PPP4R4: variants seen among roughly 807,000 people sequenced by gnomAD.
PPP4R4 encodes the protein serine/threonine-protein phosphatase 4 regulatory subunit 4.
In PPP4R4, 70 loss-of-function variants were observed where a neutral mutation model predicts 121.8. That is an observed-to-expected ratio of 0.57 (90% CI 0.47 to 0.70). The LOEUF is 0.70. Among genes scored for constraint, PPP4R4 ranks in the 30% least tolerant of loss-of-function variants. The pLI is 0.00. For missense variants in PPP4R4, 875 were observed against 1,033.6 expected (o/e 0.85, Z 2.10); for synonymous variants, 348 against 355.7 (o/e 0.98, Z 0.24).
chr14:94,196,190 T>G (rs915597849), intron 2 of PPP4R4, among the ~76,000 whole-genome samples: 3 of 151,382 alleles, frequency 2.0e-5, no homozygotes, highest in African/African-American at 7.3e-5. Context: ...TAAAAAAAAT[T>G]CCTTCCCTTG....
Position 94,201,105 on chromosome 14 carries a change from T to A in PPP4R4, c.192-7359T>A, listed in dbSNP as rs1032727256. 2.6e-5 allele frequency among the ~76,000 whole-genome samples: 4 copies of A among 152,312 alleles called. No homozygotes were observed. The South Asian group carries it at 8.3e-4, about 32-fold the overall frequency. On this transcript the variant is annotated intron_variant, in intron 2 of 24. Coordinates refer to ENST00000304338, the MANE Select transcript of PPP4R4 (RefSeq NM_058237.2). ...ACTCAATGATCATTCAGGAACACAT[T>A]ATTAAATTTCCATGTATTTGCATGG...
At chr14:94,262,273 A>G (rs1242192151) in intron 19 of PPP4R4, among the ~76,000 whole-genome samples, 6 of 151,952 alleles carry the variant, frequency 3.9e-5, no homozygotes, top group Admixed American at 1.3e-4. Flanking sequence ...CAATTTTGGT[A>G]AGTTGCTTCC....
At position 94,264,938 on chromosome 14, in the gene PPP4R4, G is replaced by C; in HGVS notation, c.2188G>C (p.Glu730Gln). ...DGRPMSDKMF[E>Q]KKRRDTKTPT... ...AAGGCCCATGAGTGATAAAATGTTT[G>C]AAAAGAAACGTAAGTAGTTTTTCTA... is the stretch of plus-strand genomic sequence containing the variant. Residue 730 changes from glutamate (E) to glutamine (Q), a missense_variant, in exon 20 of 25, where the codon GAA (glutamate) becomes CAA (glutamine). Transcript: ENST00000304338. The C allele has an allele frequency of 6.3e-7, 1 of 1,593,708 alleles. No individual in the cohort carries two copies.
chr14:94,259,230 A>G (rs909361972), intron 18 of PPP4R4, 65 bp from the exon 19 acceptor site: 3 of 1,537,356 alleles, frequency 2.0e-6, no homozygotes, highest in Non-Finnish European at 2.6e-6. Context: ...TATTGAAAGG[A>G]ATATTTTAAA....
At chr14:94,227,590 G>A in intron 3 of PPP4R4, 19 of 1,289,808 alleles carry the variant, frequency 1.5e-5, no homozygotes, top group Non-Finnish European at 1.8e-5. Context: ...TGGGGCAAAT[G>A]TTGCTGCGGG....
chr14:94,275,374 A>G lies in PPP4R4; in HGVS notation c.2450A>G (p.Asp817Gly), dbSNP rs749322355. 3 of 1,613,820 alleles carry G rather than the reference A, an allele frequency of 1.9e-6. No homozygotes were observed. The South Asian group carries it at 3.3e-5, about 18-fold the overall frequency. Residue 817 changes from aspartate (D) to glycine (G), a missense_variant and splice_region_variant, in exon 24 of 25, where the codon GAT (aspartate) becomes GGT (glycine). Physicochemically the swap from Asp to Gly is moderately conservative, Grantham distance 94 (BLOSUM62 -1). Coordinates refer to ENST00000304338, the MANE Select transcript of PPP4R4 (RefSeq NM_058237.2). ...CTGACTTTATATGTATTGCTTTCAG[A>G]TGATTCATTCCGGACTCGTAATGCC... ...LGKTSVLSLA[D>G]DSFRTRNASS...
intron 19 of PPP4R4, among the ~76,000 whole-genome samples, chr14:94,260,769 A>G (rs567248459): frequency 1.3e-5 from 2 of 152,172 alleles, no homozygotes; most frequent in African/African-American, 2.4e-5. Flanking sequence ...TCTGAGGCTT[A>G]TCTGTTCATT....
intron 2 of PPP4R4, among the ~76,000 whole-genome samples, chr14:94,197,143 T>G (rs543524108): frequency 1.3e-5 from 2 of 152,326 alleles, no homozygotes; most frequent in South Asian, 4.1e-4. Flanking sequence ...ACCTTCTTGT[T>G]GTTCCTCTGC....
intron 5 of PPP4R4, 27 bp from the exon 6 acceptor site, chr14:94,233,626 A>T (rs760397187): frequency 1.4e-6 from 2 of 1,470,432 alleles, no homozygotes; most frequent in Non-Finnish European, 1.9e-6. Context: ...AATTTTGTGA[A>T]TTTTTTTCTC....
At chr14:94,239,740 A>T (rs1174055932) in intron 8 of PPP4R4, among the ~76,000 whole-genome samples, 1 of 152,192 alleles carries the variant, frequency 6.6e-6, no homozygotes, top group Non-Finnish European at 1.5e-5. Context: ...TTACAAAAAA[A>T]GTTTATAGAT....
chr14:94,246,564 T>C (rs774772155), intron 14 of PPP4R4, 25 bp downstream of exon 14: 22 of 1,581,962 alleles, frequency 1.4e-5, no homozygotes, highest in Non-Finnish European at 1.9e-5. Flanking sequence ...TTTCATCTTA[T>C]TCTTTTGAAC....
chr14:94,236,469 A>T (rs1264884752), intron 7 of PPP4R4, among the ~76,000 whole-genome samples: 4 of 152,040 alleles, frequency 2.6e-5, no homozygotes, highest in African/African-American at 9.7e-5. Context: ...TATATCCTGT[A>T]TTTGCTGAAT....
At position 94,220,036 on chromosome 14, in the gene PPP4R4, A is replaced by G. The variant is rs566951925; in HGVS notation, c.295-10551A>G. Among the ~76,000 whole-genome samples the G allele has an allele frequency of 3.3e-5, 5 of 152,306 alleles. No individual in the cohort carries two copies. In the South Asian group the frequency reaches 6.2e-4, roughly 19 times the overall value. ...CAGGAGTTCGAGGCCAGCCTGGCCAACATGGTGAAACCCCATCCCTACTAA... is the reference window on the plus strand; with the variant it reads ...CAGGAGTTCGAGGCCAGCCTGGCCAGCATGGTGAAACCCCATCCCTACTAA... On this transcript the variant is annotated intron_variant, in intron 3 of 24. Transcript: ENST00000304338.
chr14:94,271,528 T>A (rs1158040994), intron 23 of PPP4R4, among the ~76,000 whole-genome samples: 1 of 152,130 alleles, frequency 6.6e-6, no homozygotes, highest in Non-Finnish European at 1.5e-5. Flanking sequence ...ATAGGGAACA[T>A]CTACAAAAAA....
In PPP4R4 at chr14:94,244,686, A is replaced by G. The variant is rs751899969; in HGVS notation, c.1318A>G (p.Thr440Ala). 61 of 1,494,372 alleles carry G rather than the reference A, an allele frequency of 4.1e-5. No individual in the cohort carries two copies. The highest frequency in any genetic ancestry group is 5.2e-5 in the Non-Finnish European group (58 of 1,105,178). The allele number at this position is 1,494,372 out of a possible 1,614,324, so 92.6% of individuals were successfully genotyped here. The change falls in exon 12 of 25, where the codon ACA (threonine) becomes GCA (alanine). Residue 440 changes from threonine to alanine, a missense_variant. By Grantham distance (58) the Thr-to-Ala change is moderately conservative. Coordinates refer to ENST00000304338, the MANE Select transcript of PPP4R4 (RefSeq NM_058237.2). Reference sequence around the variant, plus strand: ...ATATTTAATACATAAAGAACTAATAACATTATTACAAGATGAATCACTGGA... The same window carrying G: ...ATATTTAATACATAAAGAACTAATAGCATTATTACAAGATGAATCACTGGA... The part of the protein sequence containing the change: ...GVYLIHKELI[T>A]LLQDESLEVL...
intron 2 of PPP4R4, among the ~76,000 whole-genome samples, chr14:94,190,012 C>T (rs796469678): frequency 1.3e-5 from 2 of 151,418 alleles, no homozygotes; most frequent in African/African-American, 2.4e-5. Context: ...GTCACCCCTT[C>T]TTCCTGTAGG....
Position 94,208,581 on chromosome 14 carries a change from A to G in PPP4R4, c.294+15A>G, listed in dbSNP as rs761152577. On this transcript the variant is annotated intron_variant, in intron 3 of 24. Transcript: ENST00000304338. ...CAAAAGTCAGAGTAAGTTGGTATGAAATAAGATTGGAGTTTCCCATTTTTT... is the reference window on the plus strand; with the variant it reads ...CAAAAGTCAGAGTAAGTTGGTATGAGATAAGATTGGAGTTTCCCATTTTTT... 25 of 1,581,898 alleles carry G rather than the reference A, an allele frequency of 1.6e-5. No individual in the cohort carries two copies. The African/African-American group carries it at 3.2e-4, about 20-fold the overall frequency.
At position 94,267,962 on chromosome 14, in the gene PPP4R4, G is replaced by A. The variant is rs185866448; in HGVS notation, c.2449+933G>A. Among the ~76,000 whole-genome samples the A allele has an allele frequency of 1.1e-4, 16 of 152,184 alleles. No homozygotes were observed. In the East Asian group the frequency reaches 1.5e-3, roughly 15 times the overall value. ...AAAATCTTTCTAGCATTAAAGCATC[G>A]ACATTCACGTACAGTATATAGAGTG... On this transcript the variant is annotated intron_variant, in intron 23 of 24. Transcript: ENST00000304338.
rs748176680 is a variant in PPP4R4 at position 94,275,534 on chromosome 14, G to C, written c.2597+13G>C. 9.3e-6 allele frequency: 15 copies of C among 1,613,608 alleles called. No homozygotes were observed. In the East Asian group the frequency reaches 3.3e-4, roughly 36 times the overall value. Reference sequence around the variant, plus strand: ...GGAAGGCTACCTTGTAAGTAATCAAGTGATGTCAGACTGAGTGTATTATCC... The same window carrying C: ...GGAAGGCTACCTTGTAAGTAATCAACTGATGTCAGACTGAGTGTATTATCC... On this transcript the variant is annotated intron_variant, in intron 24 of 24. Coordinates refer to ENST00000304338, the MANE Select transcript of PPP4R4 (RefSeq NM_058237.2).
Sources: allele counts gnomAD v4.1 joint callset (sites outside exome capture counted in the v4.1 genomes callset), GRCh38; gene constraint gnomAD v4.1.1; transcripts MANE v1.5; gene names NCBI Gene and HGNC (gene_info 2026-07-23, HGNC 2026-07-21).